Variants in SPECC1L observed in about 807,000 individuals in gnomAD.
SPECC1L encodes the protein sperm antigen with calponin homology and coiled-coil domains 1 like.
A neutral mutation model predicts 116.8 loss-of-function variants in SPECC1L; 40 were observed. The observed-to-expected ratio is 0.34, with a 90% confidence interval of 0.27 to 0.45. The LOEUF (loss-of-function observed/expected upper bound fraction) is 0.45. Among genes scored for constraint, SPECC1L ranks in the 20% least tolerant of loss-of-function variants. The pLI is 1.00. For synonymous variants in SPECC1L, 504 were observed against 500.6 expected, an observed-to-expected ratio of 1.01 and a Z score of -0.09; for missense variants, 1,110 against 1,373.6, an observed-to-expected ratio of 0.81 and a Z score of 3.03.
chr22:24,333,489 T>C (rs182587894), intron 8 of SPECC1L, among the ~76,000 whole-genome samples: 16 of 152,196 alleles, frequency 1.1e-4, no homozygotes, highest in African/African-American at 2.6e-4. Flanking sequence ...TGGAATTGAT[T>C]TTTTCAAATG....
At chr22:24,295,065 G>C (rs901756647) in intron 2 of SPECC1L, among the ~76,000 whole-genome samples, 2 of 151,526 alleles carry the variant, frequency 1.3e-5, no homozygotes, top group African/African-American at 2.4e-5. Flanking sequence ...AGGAAACTCT[G>C]GAGCTTCCTG....
intron 2 of SPECC1L, among the ~76,000 whole-genome samples, chr22:24,286,162 T>C (rs1569404173): frequency 6.6e-6 from 1 of 152,230 alleles, no homozygotes; most frequent in African/African-American, 2.4e-5. Context: ...AAGACTTCCA[T>C]CTGATAAAGT....
intron 16 of SPECC1L, 102 bp downstream of exon 16, chr22:24,412,809 C>A (rs1439469905): frequency 1.5e-6 from 2 of 1,326,192 alleles, no homozygotes; most frequent in African/African-American, 1.5e-5. Flanking sequence ...GGTAGTGTGG[C>A]TGCCTGGTAA....
chr22:24,379,111 A>G (rs1338111750), intron 14 of SPECC1L, among the ~76,000 whole-genome samples: 1 of 150,082 alleles, frequency 6.7e-6, no homozygotes, highest in African/African-American at 2.4e-5. Context: ...ACTTAAATTA[A>G]GTAATTTTAG....
chr22:24,370,110 T>C (rs559124688), intron 14 of SPECC1L, among the ~76,000 whole-genome samples: 1 of 152,316 alleles, frequency 6.6e-6, no homozygotes, highest in East Asian at 1.9e-4. Flanking sequence ...GCATAAAAGG[T>C]GTGGCTACAA....
intron 3 of SPECC1L, among the ~76,000 whole-genome samples, chr22:24,305,111 T>A (rs2049465325): frequency 1.3e-5 from 2 of 152,234 alleles, no homozygotes; most frequent in African/African-American, 4.8e-5. Context: ...AGCCTGCTAG[T>A]AGCTTAGGGT....
chr22:24,414,912 T>G lies in SPECC1L; in HGVS notation c.*289T>G. On this transcript the variant is annotated 3_prime_UTR_variant, in exon 17 of 17. Transcript: ENST00000314328. ...TTTCCTTCTGAAGAGAATATTGAACTACACTAGTGCTCCAGGGCACCAAAC... is the reference window on the plus strand; with the variant it reads ...TTTCCTTCTGAAGAGAATATTGAACGACACTAGTGCTCCAGGGCACCAAAC... 6.7e-6 allele frequency: 3 copies of G among 449,948 alleles called. No individual in the cohort carries two copies. Among genetic ancestry groups the G allele is most frequent in the Admixed American group, 3.4e-5 (1 of 29,322 alleles). 27.9% of individuals were successfully genotyped at this position (449,948 alleles called of 1,614,324 possible).
rs368137991 is a variant in SPECC1L, at chr22:24,290,444, T to A, written c.-37-11751T>A. Among the ~76,000 whole-genome samples the A allele has an allele frequency of 5.4e-4, 82 of 152,342 alleles. 1 individual carries two copies. In the South Asian group the frequency reaches 0.017, roughly 31 times the overall value. On this transcript the variant is annotated intron_variant, in intron 2 of 16. Transcript: ENST00000314328. ...TGTTAAATGTACTACATGTTACAAT[T>A]TTAGGCATAGTATAAAATCTGTCTT...
chr22:24,296,915 C>G (rs1026397208), intron 2 of SPECC1L, among the ~76,000 whole-genome samples: 12 of 150,314 alleles, frequency 8.0e-5, no homozygotes, highest in Non-Finnish European at 1.8e-4. Context: ...TAAAATAGAA[C>G]TTTTCCTATG....
chr22:24,377,658 T>G (rs2041996530), intron 14 of SPECC1L, among the ~76,000 whole-genome samples: 1 of 152,210 alleles, frequency 6.6e-6, no homozygotes, highest in African/African-American at 2.4e-5. Context: ...CCTTGATCTA[T>G]GAGCTGCAGA....
intron 11 of SPECC1L, among the ~76,000 whole-genome samples, chr22:24,348,264 T>C (rs2041345577): frequency 6.6e-6 from 1 of 152,276 alleles, no homozygotes; most frequent in South Asian, 2.1e-4. Flanking sequence ...TGTTAGGCTG[T>C]GTATGTTAGA....
intron 11 of SPECC1L, among the ~76,000 whole-genome samples, chr22:24,356,342 A>G (rs1054124341): frequency 6.6e-5 from 10 of 152,176 alleles, no homozygotes; most frequent in Non-Finnish European, 1.0e-4. Flanking sequence ...CATGTATCTT[A>G]AAGTTCTGTT....
intron 14 of SPECC1L, among the ~76,000 whole-genome samples, chr22:24,382,617 G>A (rs992616154): frequency 1.3e-5 from 2 of 151,176 alleles, no homozygotes; most frequent in Non-Finnish European, 2.9e-5. Flanking sequence ...GCAAGAGAAT[G>A]GCGTGAACCC....
Position 24,363,262 on chromosome 22 carries a change from G to C in SPECC1L, c.2745G>C (p.Glu915Asp). The C allele has an allele frequency of 1.2e-6, 2 of 1,613,646 alleles. No individual in the cohort carries two copies. Among genetic ancestry groups the C allele is most frequent in the Middle Eastern group, 1.6e-4 (1 of 6,062 alleles). The change falls in exon 12 of 17, where the codon GAG (glutamate) becomes GAC (aspartate). Residue 915 changes from glutamate to aspartate, a missense_variant and splice_region_variant. By Grantham distance (45) the Glu-to-Asp change is conservative. Coordinates refer to ENST00000314328, the MANE Select transcript of SPECC1L (RefSeq NM_015330.6). ...TGGGATTCTTTCTACTTTGTACAGA[G>C]CATCTGTTAAGAACATCTTCAGCCA... The part of the protein sequence containing the change: ...RPNYGEIPVQ[E>D]HLLRTSSASR...
At chr22:24,335,480 A>G (rs963222715) in intron 9 of SPECC1L, among the ~76,000 whole-genome samples, 1 of 152,082 alleles carries the variant, frequency 6.6e-6, no homozygotes, top group Non-Finnish European at 1.5e-5. Flanking sequence ...TACTCTTCCC[A>G]CTTTCAAATG....
rs567043869 is a variant in SPECC1L at position 24,360,651 on chromosome 22, G to T, written c.2744-2610G>T. On this transcript the variant is annotated intron_variant, in intron 11 of 16. Transcript: ENST00000314328. Reference sequence around the variant, plus strand: ...CATGTAGGGAATGACCAGGGCTTATGCCTGTGTCCATAGCAAGCACCTTGT... The same window carrying T: ...CATGTAGGGAATGACCAGGGCTTATTCCTGTGTCCATAGCAAGCACCTTGT... 3.3e-5 allele frequency among the ~76,000 whole-genome samples: 5 copies of T among 152,244 alleles called. No individual in the cohort carries two copies. In the East Asian group the frequency reaches 5.8e-4, roughly 18 times the overall value.
chr22:24,274,237 G>A (rs1465139857), intron 1 of SPECC1L, among the ~76,000 whole-genome samples: 1 of 152,188 alleles, frequency 6.6e-6, no homozygotes, highest in Admixed American at 6.5e-5. Flanking sequence ...ATGACCATTA[G>A]GAAAGTAGCC....
chr22:24,367,553 T>G (rs967547929), intron 13 of SPECC1L, among the ~76,000 whole-genome samples: 2 of 152,180 alleles, frequency 1.3e-5, no homozygotes, highest in Non-Finnish European at 2.9e-5. Context: ...CGTCCCTGCT[T>G]TATTTAAAGC....
At chr22:24,371,299 C>G (rs1476017114) in intron 14 of SPECC1L, among the ~76,000 whole-genome samples, 1 of 152,108 alleles carries the variant, frequency 6.6e-6, no homozygotes, top group African/African-American at 2.4e-5. Flanking sequence ...GGTCATAAAA[C>G]TAGTCTCATT....
Sources: gnomAD v4.1 joint callset for allele counts (sites outside exome capture counted in the v4.1 genomes callset) on GRCh38, gnomAD v4.1.1 for gene constraint, MANE v1.5 for transcripts, NCBI Gene and HGNC (gene_info 2026-07-23, HGNC 2026-07-21) for gene names.